The following NDUFS4 variants were observed in gnomAD, a reference collection of about 807,000 sequenced individuals.
NDUFS4 encodes the protein NADH:ubiquinone oxidoreductase subunit S4.
Under a neutral mutation model 24.3 loss-of-function variants are expected in NDUFS4, and 28 were observed. That is an observed-to-expected ratio of 1.15 (90% CI 0.85 to 1.58). NDUFS4 has a LOEUF of 1.58. NDUFS4 is among the 40% of genes most tolerant of loss of function. NDUFS4 has a pLI of 0.00. For synonymous variants in NDUFS4, 93 were observed against 69.7 expected, an observed-to-expected ratio of 1.34 and a Z score of -1.67; for missense variants, 223 against 207.9, an observed-to-expected ratio of 1.07 and a Z score of -0.45.
intron 2 of NDUFS4, among the ~76,000 whole-genome samples, chr5:53,637,424 C>A (rs1751590740): frequency 6.6e-6 from 1 of 152,118 alleles, no homozygotes; most frequent in South Asian, 2.1e-4. Flanking sequence ...GTAATATAAG[C>A]AGTAAATACA....
At chr5:53,664,886 TGGA>T (rs1461059656) in intron 4 of NDUFS4, among the ~76,000 whole-genome samples, 2 of 152,220 alleles carry the variant, frequency 1.3e-5, no homozygotes, top group South Asian at 2.1e-4. Flanking sequence ...TGCATTCCTT[TGGA>T]GGAGGAGAAG....
At position 53,603,504 on chromosome 5, in the gene NDUFS4, C is replaced by T; in HGVS notation, c.151C>T (p.Gln51Ter). The stretch of plus-strand genomic sequence containing the variant: ...GGCACAGGACCAGACTCAAGACACA[C>T]AACTCATAACAGTTGATGAAAAATT... ...RLAQDQTQDT[Q>*]LITVDEKLDI... Residue 51 changes from glutamine to a stop codon, truncating the protein, a stop_gained, in exon 2 of 5, where the codon CAA (glutamine) becomes TAA (stop). Transcript: ENST00000296684. LOFTEE classifies it high-confidence loss of function. The T allele has an allele frequency of 6.2e-7, 1 of 1,613,866 alleles. No homozygotes were observed. The highest frequency in any genetic ancestry group is 1.7e-5 in the Admixed American group (1 of 60,004).
intron 2 of NDUFS4, among the ~76,000 whole-genome samples, chr5:53,604,399 G>A (rs1750432924): frequency 6.6e-6 from 1 of 152,156 alleles, no homozygotes; most frequent in Non-Finnish European, 1.5e-5. Flanking sequence ...AGTAAATAGA[G>A]ACAGTTTGGA....
At chr5:53,586,345 A>C (rs1749753696) in intron 1 of NDUFS4, among the ~76,000 whole-genome samples, 2 of 151,288 alleles carry the variant, frequency 1.3e-5, no homozygotes, top group South Asian at 4.2e-4. Context: ...AAAAAAAAAA[A>C]CAAACCAAAA....
chr5:53,564,057 G>A (rs545870890), intron 1 of NDUFS4, among the ~76,000 whole-genome samples: 1 of 152,268 alleles, frequency 6.6e-6, no homozygotes, highest in South Asian at 2.1e-4. Context: ...ATCACCCAGA[G>A]GGTTTTAATT....
At chr5:53,562,151 G>A (rs1171309354) in intron 1 of NDUFS4, among the ~76,000 whole-genome samples, 3 of 151,980 alleles carry the variant, frequency 2.0e-5, no homozygotes, top group South Asian at 2.1e-4. Flanking sequence ...TTACAGGCGC[G>A]CACCACCACA....
intron 1 of NDUFS4, 112 bp from the exon 2 acceptor site, chr5:53,603,336 CTTTT>C (rs11414085): frequency 1.3e-4 from 68 of 509,244 alleles, no homozygotes; most frequent in Non-Finnish European, 5.5e-5. Flanking sequence ...CTTTCCTTTC[CTTTT>C]TTTTTTTTTT....
chr5:53,600,659 C>T (rs1750283240), intron 1 of NDUFS4, among the ~76,000 whole-genome samples: 2 of 152,164 alleles, frequency 1.3e-5, no homozygotes, highest in Admixed American at 6.5e-5. Flanking sequence ...TGTGGACCTT[C>T]GTTGCTACCT....
At position 53,646,498 on chromosome 5, in the gene NDUFS4, A is replaced by G. The variant is rs796768244; in HGVS notation, c.350+93A>G. On this transcript the variant is annotated intron_variant, in intron 3 of 4. Coordinates refer to ENST00000296684, the MANE Select transcript of NDUFS4 (RefSeq NM_002495.4). ...TGATTTTCAAACTCTTTTATGTACA[A>G]TATGCTTATGACAGTACTTTTTGAC... The G allele has an allele frequency of 1.4e-5, 19 of 1,325,232 alleles. No individual in the cohort carries two copies. In the African/African-American group the frequency reaches 2.3e-4, roughly 16 times the overall value. The allele number at this position is 1,325,232 out of a possible 1,614,324, so 82.1% of individuals were successfully genotyped here.
chr5:53,570,810 A>G (rs1397505318), intron 1 of NDUFS4, among the ~76,000 whole-genome samples: 1 of 150,176 alleles, frequency 6.7e-6, no homozygotes, highest in Non-Finnish European at 1.5e-5. Context: ...CAGCCTCCTG[A>G]GTAGCTGGTA....
chr5:53,660,220 T>G (rs1752292975), intron 4 of NDUFS4, among the ~76,000 whole-genome samples: 1 of 146,192 alleles, frequency 6.8e-6, no homozygotes, highest in East Asian at 2.1e-4. Flanking sequence ...ATTGTTCAAT[T>G]CCCCACCTAT....
chr5:53,576,240 C>T (rs894918082), intron 1 of NDUFS4, among the ~76,000 whole-genome samples: 6 of 152,210 alleles, frequency 3.9e-5, no homozygotes, highest in African/African-American at 1.4e-4. Flanking sequence ...TTTGTTTATA[C>T]TCGTGTTCAA....
intron 1 of NDUFS4, among the ~76,000 whole-genome samples, chr5:53,575,265 T>C (rs1205332592): frequency 6.6e-6 from 1 of 152,138 alleles, no homozygotes; most frequent in Non-Finnish European, 1.5e-5. Context: ...AGTGGTCCTT[T>C]GAGTTCTGAT....
rs1748804507 is a variant in NDUFS4, at chr5:53,560,692, G to A, written c.30G>A (p.Leu10=). ...CGGCGGTGTCAATGTCAGTGGTACT[G>A]AGGCAGACGTTGTGGCGGAGAAGGG... is the stretch of plus-strand genomic sequence containing the variant. MAAVSMSVV[L]RQTLWRRRAV... The change falls in exon 1 of 5, where the codon CTG becomes CTA. Residue 10 remains leucine (L), a synonymous_variant. Coordinates refer to ENST00000296684, the MANE Select transcript of NDUFS4 (RefSeq NM_002495.4). 1.2e-6 allele frequency: 2 copies of A among 1,614,148 alleles called. No homozygotes were observed. The highest frequency in any genetic ancestry group is 1.7e-6 in the Non-Finnish European group (2 of 1,180,062).
intron 1 of NDUFS4, among the ~76,000 whole-genome samples, chr5:53,567,039 C>T (rs143754768): frequency 0.01 from 1,571 of 152,002 alleles, 23 homozygotes; most frequent in African/African-American, 0.036. Flanking sequence ...TAATTAGAGA[C>T]GGGGTTTCAC....
intron 1 of NDUFS4, among the ~76,000 whole-genome samples, chr5:53,574,360 ATG>A (rs1749318126): frequency 6.6e-6 from 1 of 152,130 alleles, no homozygotes; most frequent in Non-Finnish European, 1.5e-5. Flanking sequence ...TAGACTGTTA[ATG>A]TGGTAGATTG....
chr5:53,566,320 A>T (rs1749024074), intron 1 of NDUFS4, among the ~76,000 whole-genome samples: 1 of 152,216 alleles, frequency 6.6e-6, no homozygotes, highest in South Asian at 2.1e-4. Flanking sequence ...AACAATTTCA[A>T]ATGGAAGAGC....
chr5:53,643,179 G>A (rs1024475139), intron 2 of NDUFS4, among the ~76,000 whole-genome samples: 1 of 151,846 alleles, frequency 6.6e-6, no homozygotes, highest in Non-Finnish European at 1.5e-5. Flanking sequence ...CAGCTTGAAG[G>A]CTTTTCATAC....
chr5:53,569,969 G>A (rs959339231), intron 1 of NDUFS4, among the ~76,000 whole-genome samples: 2 of 152,056 alleles, frequency 1.3e-5, no homozygotes, highest in African/African-American at 4.8e-5. Flanking sequence ...CTCTAGGTTG[G>A]ATTTATTTTA....
Sources: gnomAD v4.1 joint callset for allele counts (sites outside exome capture counted in the v4.1 genomes callset) on GRCh38, gnomAD v4.1.1 for gene constraint, MANE v1.5 for transcripts, NCBI Gene and HGNC (gene_info 2026-07-23, HGNC 2026-07-21) for gene names.